Variants in SATL1 observed in about 807,000 individuals in gnomAD.
SATL1 encodes spermidine/spermine N(1)-acetyltransferase-like protein 1.
A neutral mutation model predicts 51.8 loss-of-function variants in SATL1; 47 were observed. That is an observed-to-expected ratio of 0.91 (90% CI 0.72 to 1.16). The LOEUF (loss-of-function observed/expected upper bound fraction) is 1.16, where lower values mean the gene tolerates loss of function less well. Among genes scored for constraint, SATL1 ranks in the 50% most tolerant of loss-of-function variants. The pLI is 0.00. For missense variants in SATL1, 520 were observed against 526.4 expected, an observed-to-expected ratio of 0.99 and a Z score of 0.12; for synonymous variants, 176 against 182.4, an observed-to-expected ratio of 0.97 and a Z score of 0.28.
intron 2 of SATL1, among the ~76,000 whole-genome samples, chrX:85,123,025 G>A (rs1925540462): frequency 9.0e-6 from 1 of 111,679 alleles, no homozygotes; most frequent in Non-Finnish European, 1.9e-5. Flanking sequence ...ATTCTGTGAT[G>A]CGTATATATC....
intron 2 of SATL1, among the ~76,000 whole-genome samples, chrX:85,197,433 G>A (rs906710155): frequency 1.8e-5 from 2 of 109,931 alleles, no homozygotes; most frequent in Middle Eastern, 9.4e-3. Flanking sequence ...AATGATTGTT[G>A]GCTGTAGTCA....
At chrX:85,184,271 C>G (rs1927267432) in intron 2 of SATL1, among the ~76,000 whole-genome samples, 2 of 111,233 alleles carry the variant, frequency 1.8e-5, no homozygotes, top group Admixed American at 9.6e-5. Context: ...TTTACTTGAC[C>G]TTTAGGGGCT....
Position 85,240,867 on chromosome X carries a change from G to A in SATL1, c.-435+2721C>T, listed in dbSNP as rs1420244845. On this transcript the variant is annotated intron_variant, in intron 1 of 7. Coordinates refer to ENST00000644105, the MANE Select transcript of SATL1 (RefSeq NM_001367857.2). ...TCTCGATCTCCTGACCTCGTGATCC[G>A]CCCGCCTCGGCCTCCCAAAGTGCTG... 1.2e-4 allele frequency among the ~76,000 whole-genome samples: 13 copies of A among 108,337 alleles called. No homozygotes were observed. The South Asian group carries it at 3.3e-3, about 28-fold the overall frequency. The allele number at this position is 108,337 out of a possible 115,157, so 94.1% of individuals were successfully genotyped here.
intron 2 of SATL1, among the ~76,000 whole-genome samples, chrX:85,133,296 G>A (rs1486441583): frequency 8.9e-6 from 1 of 111,985 alleles, no homozygotes; most frequent in Non-Finnish European, 1.9e-5. Context: ...GCCTCGTTGA[G>A]CTGCGGTGGG....
intron 2 of SATL1, among the ~76,000 whole-genome samples, chrX:85,191,487 G>T (rs1602901025): frequency 9.0e-6 from 1 of 111,002 alleles, no homozygotes; most frequent in African/African-American, 3.3e-5. Flanking sequence ...CAACGTGGGG[G>T]TTAGGAGCAC....
At chrX:85,100,020 A>T (rs920753360) in intron 4 of SATL1, among the ~76,000 whole-genome samples, 1 of 112,629 alleles carries the variant, frequency 8.9e-6, no homozygotes, top group Non-Finnish European at 1.9e-5. Flanking sequence ...AGTCTGGCCA[A>T]CATGGTGAAA....
intron 4 of SATL1, among the ~76,000 whole-genome samples, chrX:85,101,406 T>A (rs1445681602): frequency 8.9e-6 from 1 of 112,277 alleles, no homozygotes; most frequent in Non-Finnish European, 1.9e-5. Context: ...AAAGAAGATA[T>A]ACAATGGGTC....
chrX:85,129,952 T>C (rs899970226), intron 2 of SATL1, among the ~76,000 whole-genome samples: 2 of 112,045 alleles, frequency 1.8e-5, no homozygotes, highest in African/African-American at 6.5e-5. Context: ...ATTATGTTTA[T>C]TTATTTGTGT....
intron 2 of SATL1, among the ~76,000 whole-genome samples, chrX:85,119,359 G>A (rs886826105): frequency 1.8e-5 from 2 of 111,510 alleles, no homozygotes; most frequent in Non-Finnish European, 3.8e-5. Context: ...ATGTGCCCAC[G>A]ATTATAAACC....
chrX:85,207,834 A>T (rs1927820052), intron 2 of SATL1: 1 of 122,381 alleles, frequency 8.2e-6, no homozygotes. Context: ...GGGGAGGCTC[A>T]GCTTTGGGTC....
intron 2 of SATL1, among the ~76,000 whole-genome samples, chrX:85,185,797 G>C (rs1373032065): frequency 2.7e-5 from 3 of 110,596 alleles, no homozygotes; most frequent in Non-Finnish European, 5.7e-5. Context: ...ATGGATGCCA[G>C]GAGCCCACTT....
chrX:85,135,242 A>G (rs985930001), intron 2 of SATL1, among the ~76,000 whole-genome samples: 1 of 111,107 alleles, frequency 9.0e-6, no homozygotes, highest in Non-Finnish European at 1.9e-5. Flanking sequence ...TTCCTGGCTG[A>G]TGGGTTGATC....
chrX:85,094,203 A>G lies in SATL1; in HGVS notation c.1801T>C (p.Tyr601His). ...GTCCATGAGTCGTATGTAAAGTAGT[A>G]CATGGCAAATCCAACAGTCAGTTTG... ...SGKLTVGFAMYYFTYDSWTGK... is the reference protein window; with the variant it reads ...SGKLTVGFAMHYFTYDSWTGK... Residue 601 changes from tyrosine (Y) to histidine (H), a missense_variant, in exon 6 of 8, where the codon TAC becomes CAC. Physicochemically the swap from Tyr to His is moderately conservative, Grantham distance 83. Coordinates refer to ENST00000644105, the MANE Select transcript of SATL1 (RefSeq NM_001367857.2). 2 of 1,184,984 alleles carry G rather than the reference A, an allele frequency of 1.7e-6. No individual in the cohort carries two copies. The highest frequency in any genetic ancestry group is 3.5e-5 in the African/African-American group (2 of 57,342).
intron 2 of SATL1, among the ~76,000 whole-genome samples, chrX:85,152,894 C>G (rs778272804): frequency 1.1e-3 from 117 of 109,857 alleles, no homozygotes; most frequent in African/African-American, 3.7e-3. Context: ...GTGCAGCACA[C>G]CAGCATGGCA....
At chrX:85,127,635 A>G (rs1157559081) in intron 2 of SATL1, among the ~76,000 whole-genome samples, 2 of 111,672 alleles carry the variant, frequency 1.8e-5, no homozygotes, top group Non-Finnish European at 3.8e-5. Context: ...CTACCAATGC[A>G]TGAAGTGAAT....
intron 2 of SATL1, among the ~76,000 whole-genome samples, chrX:85,215,674 T>C (rs1357244447): frequency 8.9e-6 from 1 of 112,598 alleles, no homozygotes; most frequent in African/African-American, 3.2e-5. Context: ...GCCAAGTTCT[T>C]TGCTACAGTG....
Position 85,183,228 on chromosome X carries a change from C to T in SATL1, c.-313+40977G>A, listed in dbSNP as rs192179219. ...TTTCGGGTTCTATATTTAGGTCTCTCTTCCATTTTGAGTTGATTTTTGTAT... is the reference window on the plus strand; with the variant it reads ...TTTCGGGTTCTATATTTAGGTCTCTTTTCCATTTTGAGTTGATTTTTGTAT... On this transcript the variant is annotated intron_variant, in intron 2 of 7. Transcript: ENST00000644105. Among the ~76,000 whole-genome samples, 372 of 110,367 alleles carry T rather than the reference C, an allele frequency of 3.4e-3. 5 individuals are homozygous for T. The highest frequency in any genetic ancestry group is 0.019 in the Admixed American group (195 of 10,289).
At chrX:85,166,128 A>G (rs1400623774) in intron 2 of SATL1, among the ~76,000 whole-genome samples, 3 of 111,629 alleles carry the variant, frequency 2.7e-5, no homozygotes, top group Admixed American at 1.9e-4. Context: ...AAATCAACTC[A>G]AGATGGATCA....
At chrX:85,182,205 A>C (rs1016207716) in intron 2 of SATL1, among the ~76,000 whole-genome samples, 4 of 111,129 alleles carry the variant, frequency 3.6e-5, no homozygotes, top group Non-Finnish European at 7.6e-5. Flanking sequence ...TCTAGCTGTA[A>C]TTTTGTATCC....
Sources: allele counts gnomAD v4.1 joint callset (sites outside exome capture counted in the v4.1 genomes callset), GRCh38; gene constraint gnomAD v4.1.1; transcripts MANE v1.5; gene names NCBI Gene and HGNC (gene_info 2026-07-23, HGNC 2026-07-21).